Variants in ERCC6 observed in about 807,000 individuals in gnomAD.
ERCC6 encodes the protein ERCC excision repair 6, chromatin remodeling factor, also known as DNA excision repair protein ERCC-6.
Under a neutral mutation model 158.7 loss-of-function variants are expected in ERCC6, and 116 were observed. The observed-to-expected ratio is 0.73, with a 90% CI of 0.63 to 0.85. The LOEUF (loss-of-function observed/expected upper bound fraction) is 0.85. Ranked by LOEUF, ERCC6 falls within the 40% of genes least tolerant of loss-of-function variation. The pLI is 0.00. For missense variants in ERCC6, 1,698 were observed against 1,799.4 expected (o/e 0.94, Z 1.02); for synonymous variants, 678 against 659.3 (o/e 1.03, Z -0.43).
At chr10:49,529,830 C>G (rs1307590400) in intron 3 of ERCC6, among the ~76,000 whole-genome samples, 2 of 152,050 alleles carry the variant, frequency 1.3e-5, no homozygotes, top group African/African-American at 4.8e-5. Flanking sequence ...CAAAGGGGTA[C>G]ATAAATCATA....
chr10:49,500,993 A>T, intron 6 of ERCC6: 1 of 299,026 alleles, frequency 3.3e-6, no homozygotes, highest in Non-Finnish European at 6.3e-6. Flanking sequence ...TAGCTTGCTA[A>T]ACAAGCATAA....
intron 8 of ERCC6, among the ~76,000 whole-genome samples, chr10:49,486,287 C>G (rs185835475): frequency 1.6e-4 from 25 of 152,238 alleles, no homozygotes; most frequent in Admixed American, 1.3e-3. Flanking sequence ...GTATCACCAT[C>G]AGACCTCCTT....
chr10:49,518,297 T>C (rs4253071), intron 5 of ERCC6, among the ~76,000 whole-genome samples: 57 of 152,336 alleles, frequency 3.7e-4, no homozygotes, highest in African/African-American at 1.4e-3. Flanking sequence ...GAAACAATGC[T>C]TGTCCGAGTC....
At chr10:49,506,335 A>G (rs1851442544) in intron 5 of ERCC6, 1 of 334,410 alleles carries the variant, frequency 3.0e-6, no homozygotes, top group Non-Finnish European at 5.5e-6. Flanking sequence ...ACATGAAATT[A>G]GTCCTAGAAA....
the ERCC6 span, among the ~76,000 whole-genome samples, chr10:49,435,955 T>C: frequency 6.7e-6 from 1 of 149,810 alleles, no homozygotes; most frequent in Non-Finnish European, 1.5e-5. Context: ...TGAGCCGAGA[T>C]CGTGCCACTG....
intron 1 of ERCC6, among the ~76,000 whole-genome samples, chr10:49,535,174 A>G (rs1463998780): frequency 6.6e-6 from 1 of 152,246 alleles, no homozygotes; most frequent in Admixed American, 6.5e-5. Flanking sequence ...CAAATGAGTC[A>G]CCAGTGAATT....
In ERCC6 at chr10:49,457,717, AAAC is replaced by A. The variant is rs1257607071; in HGVS notation, c.*1095_*1097del. 6.6e-6 allele frequency: 1 copy of A among 152,254 alleles called. No homozygotes were observed. The highest frequency in any genetic ancestry group is 1.5e-5 in the Non-Finnish European group (1 of 68,044). 9.4% of individuals were successfully genotyped at this position (152,254 alleles called of 1,614,324 possible). On this transcript the variant is annotated 3_prime_UTR_variant, in exon 21 of 21. Coordinates refer to ENST00000355832, the MANE Select transcript of ERCC6 (RefSeq NM_000124.4). ...TTTCAGGAATACGATGAATTTCGGA[AAAC>A]AACACTTCAAAGATGAGATGATAAA...
chr10:49,523,668 G>A (rs1337691221), intron 5 of ERCC6, among the ~76,000 whole-genome samples: 5 of 152,122 alleles, frequency 3.3e-5, no homozygotes, highest in African/African-American at 1.2e-4. Flanking sequence ...CCCCTATCCA[G>A]TATGCATTAA....
intron 5 of ERCC6, chr10:49,517,161 G>A (rs757591171): frequency 2.0e-6 from 3 of 1,519,664 alleles, no homozygotes; most frequent in Non-Finnish European, 1.8e-6. Flanking sequence ...TAGTGGTAGT[G>A]GTTTTGCCTA....
At chr10:49,492,715 C>T (rs1206097282) in intron 8 of ERCC6, among the ~76,000 whole-genome samples, 1 of 152,188 alleles carries the variant, frequency 6.6e-6, no homozygotes, top group Non-Finnish European at 1.5e-5. Flanking sequence ...CTAACAAATG[C>T]ATTTACCAAT....
chr10:49,485,577 G>C (rs1236997401), intron 8 of ERCC6, among the ~76,000 whole-genome samples: 1 of 151,954 alleles, frequency 6.6e-6, no homozygotes, highest in African/African-American at 2.4e-5. Context: ...TGAGATTAAG[G>C]GAAAATAAAA....
intron 18 of ERCC6, among the ~76,000 whole-genome samples, chr10:49,466,626 C>T (rs1253855935): frequency 6.6e-6 from 1 of 152,154 alleles, no homozygotes; most frequent in African/African-American, 2.4e-5. Flanking sequence ...GTAATCCCAC[C>T]GTCAAATACC....
At chr10:49,528,937 G>A (rs1837405349) in intron 3 of ERCC6, among the ~76,000 whole-genome samples, 2 of 152,312 alleles carry the variant, frequency 1.3e-5, no homozygotes, top group African/African-American at 4.8e-5. Context: ...CAGGCCATAA[G>A]ATAAGAAATA....
chr10:49,523,442 T>TA (rs1358627315), intron 5 of ERCC6, among the ~76,000 whole-genome samples: 6 of 152,170 alleles, frequency 3.9e-5, no homozygotes, highest in Non-Finnish European at 7.4e-5. Context: ...GTCTCTAACA[T>TA]AAAAAACAAC....
chr10:49,501,781 C>T (rs1018102483), intron 6 of ERCC6: 4 of 151,726 alleles, frequency 2.6e-5, no homozygotes, highest in East Asian at 1.9e-4. Context: ...CATAGTAAGA[C>T]CTCATCTCTA....
chr10:49,469,394 A>G (rs1254634254), intron 18 of ERCC6, among the ~76,000 whole-genome samples: 3 of 152,244 alleles, frequency 2.0e-5, no homozygotes, highest in Admixed American at 6.5e-5. Flanking sequence ...ATGTATGCAT[A>G]GATGGGTGTG....
At chr10:49,446,704 A>G in the ERCC6 span, among the ~76,000 whole-genome samples, 128,343 of 152,138 alleles carry the variant, frequency 0.84, 54,673 homozygotes, top group East Asian at 1. Context: ...CTTGAGCCCA[A>G]GAGTTCGAGG....
chr10:49,507,042 A>G (rs1851455699), intron 5 of ERCC6, among the ~76,000 whole-genome samples: 1 of 152,170 alleles, frequency 6.6e-6, no homozygotes, highest in Admixed American at 6.6e-5. Flanking sequence ...GTAAGAGAGA[A>G]TGTCCGAGGG....
intron 8 of ERCC6, among the ~76,000 whole-genome samples, chr10:49,488,783 A>T (rs919459069): frequency 8.0e-5 from 12 of 150,614 alleles, no homozygotes; most frequent in Non-Finnish European, 1.5e-4. Flanking sequence ...TTTTTGTGTT[A>T]TTTGCTTTTT....
Sources: allele counts gnomAD v4.1 joint callset (sites outside exome capture counted in the v4.1 genomes callset), GRCh38; gene constraint gnomAD v4.1.1; transcripts MANE v1.5; gene names NCBI Gene and HGNC (gene_info 2026-07-23, HGNC 2026-07-21).